Variants in ZNF717 observed in about 807,000 individuals in gnomAD.
ZNF717 encodes the protein krueppel-like factor X17.
In ZNF717, 9 loss-of-function variants were observed where a neutral mutation model predicts 13.8. The ratio of observed to expected loss-of-function variants is 0.65; its 90% CI spans 0.39 to 1.14. ZNF717 has a LOEUF of 1.14. Ranked by LOEUF, ZNF717 falls within the 50% of genes most tolerant of loss-of-function variation. ZNF717 has a pLI of 0.01. For synonymous variants in ZNF717, 327 were observed against 364.1 expected, an observed-to-expected ratio of 0.90 and a Z score of 1.16; for missense variants, 1,040 against 1,080.7, an observed-to-expected ratio of 0.96 and a Z score of 0.53.
intron 4 of ZNF717, among the ~76,000 whole-genome samples, chr3:75,721,278 G>GTTTA (rs1176089150): frequency 1.3e-5 from 2 of 150,328 alleles, no homozygotes; most frequent in African/African-American, 2.4e-5. Flanking sequence ...TGATGTTTTT[G>GTTTA]TTTATTTATT....
intron 2 of ZNF717, among the ~76,000 whole-genome samples, chr3:75,763,810 G>A (rs912680099): frequency 9.9e-5 from 15 of 152,274 alleles, no homozygotes; most frequent in African/African-American, 3.4e-4. Context: ...AAACCTTGGA[G>A]TGACCAGAAG....
chr3:75,774,325 C>T (rs1330626329), intron 2 of ZNF717, among the ~76,000 whole-genome samples: 3 of 152,096 alleles, frequency 2.0e-5, no homozygotes, highest in African/African-American at 4.8e-5. Flanking sequence ...TTACGGTGAC[C>T]TGGAATTCTA....
At chr3:75,758,924 C>T (rs961271217) in intron 2 of ZNF717, among the ~76,000 whole-genome samples, 1 of 152,148 alleles carries the variant, frequency 6.6e-6, no homozygotes, top group Non-Finnish European at 1.5e-5. Flanking sequence ...TTTGATTGAG[C>T]AGGAGGTTGA....
intron 2 of ZNF717, among the ~76,000 whole-genome samples, chr3:75,752,354 T>C (rs796448176): frequency 6.7e-6 from 1 of 148,902 alleles, no homozygotes; most frequent in Non-Finnish European, 1.5e-5. Flanking sequence ...TGTTGGGGTC[T>C]GAATGTTTGT....
In ZNF717 at chr3:75,778,478, G is replaced by C. The variant is rs1944514498; in HGVS notation, c.57+4828C>G. 2.6e-5 allele frequency among the ~76,000 whole-genome samples: 4 copies of C among 151,740 alleles called. No homozygotes were observed. The South Asian group carries it at 8.3e-4, about 32-fold the overall frequency. On this transcript the variant is annotated intron_variant, in intron 2 of 4. Transcript: ENST00000652011. The stretch of plus-strand genomic sequence containing the variant: ...TGCTAGACCAGAAACCCAAAACAGT[G>C]GGAGTGACATGCTAAAACCGGAACG...
At chr3:75,713,645 T>C (rs1430291154) in intron 5 of ZNF717, among the ~76,000 whole-genome samples, 1 of 152,092 alleles carries the variant, frequency 6.6e-6, no homozygotes, top group East Asian at 1.9e-4. Context: ...AAAGTTAACA[T>C]AGAAAACAAA....
At chr3:75,723,248 CTTTTTTT>C (rs112455865) in intron 4 of ZNF717, among the ~76,000 whole-genome samples, 14 of 88,648 alleles carry the variant, frequency 1.6e-4, no homozygotes, top group Non-Finnish European at 2.5e-4. Flanking sequence ...GACAATCTCA[CTTTTTTT>C]TTTTTTTTTT....
At chr3:75,760,057 C>T (rs1942848871) in intron 2 of ZNF717, among the ~76,000 whole-genome samples, 2 of 152,172 alleles carry the variant, frequency 1.3e-5, no homozygotes, top group South Asian at 4.1e-4. Context: ...GAGACGGAGT[C>T]TCACTCTGTC....
intron 2 of ZNF717, among the ~76,000 whole-genome samples, chr3:75,765,019 A>ATG (rs1943343841): frequency 3.0e-5 from 1 of 32,918 alleles, no homozygotes; most frequent in Non-Finnish European, 7.7e-5. Context: ...ATATATATAT[A>ATG]TATATATATA....
chr3:75,715,692 T>G (rs1321977721), intron 5 of ZNF717, among the ~76,000 whole-genome samples: 5 of 152,190 alleles, frequency 3.3e-5, no homozygotes, highest in Non-Finnish European at 7.3e-5. Flanking sequence ...GCCATTAATT[T>G]GAAAACTCTT....
intron 2 of ZNF717, among the ~76,000 whole-genome samples, chr3:75,761,650 GAAT>G (rs950526336): frequency 6.6e-6 from 1 of 152,238 alleles, no homozygotes; most frequent in Non-Finnish European, 1.5e-5. Context: ...AATACTGGTA[GAAT>G]AATGAAATTC....
At chr3:75,696,951 A>G (rs375199446) in intron 6 of ZNF717, among the ~76,000 whole-genome samples, 6 of 148,822 alleles carry the variant, frequency 4.0e-5, no homozygotes, top group South Asian at 4.4e-4. Flanking sequence ...TTTCAATTAT[A>G]CTAAAAAAAT....
chr3:75,695,624 T>C (rs1937594719), intron 6 of ZNF717, among the ~76,000 whole-genome samples: 4 of 152,296 alleles, frequency 2.6e-5, no homozygotes, highest in African/African-American at 9.6e-5. Context: ...ATATTGAGCA[T>C]TTTCTCTGAC....
intron 4 of ZNF717, among the ~76,000 whole-genome samples, chr3:75,718,275 A>C (rs1442769430): frequency 1.3e-5 from 2 of 152,122 alleles, no homozygotes; most frequent in Non-Finnish European, 2.9e-5. Context: ...AACCTTAGGT[A>C]AGAGGGTGCA....
At chr3:75,722,439 T>C (rs1559573438) in intron 4 of ZNF717, among the ~76,000 whole-genome samples, 1 of 152,200 alleles carries the variant, frequency 6.6e-6, no homozygotes, top group African/African-American at 2.4e-5. Context: ...TTCAATCTGT[T>C]GCAATATGTT....
intron 2 of ZNF717, among the ~76,000 whole-genome samples, chr3:75,776,190 T>G (rs962854182): frequency 6.6e-6 from 1 of 152,282 alleles, no homozygotes; most frequent in African/African-American, 2.4e-5. Context: ...CTTCTGTTAT[T>G]AAAAGTTTTG....
At chr3:75,781,141 A>C (rs1179736653) in intron 2 of ZNF717, among the ~76,000 whole-genome samples, 1 of 152,276 alleles carries the variant, frequency 6.6e-6, no homozygotes, top group Non-Finnish European at 1.5e-5. Flanking sequence ...TTGTGGATGA[A>C]CTGCAACCTA....
intron 2 of ZNF717, among the ~76,000 whole-genome samples, chr3:75,751,085 A>G (rs1256156338): frequency 6.6e-6 from 1 of 151,866 alleles, no homozygotes; most frequent in Non-Finnish European, 1.5e-5. Context: ...TGTTCCTCAC[A>G]TAGGATTCCA....
chr3:75,703,891 G>A (rs1937745976), intron 6 of ZNF717, among the ~76,000 whole-genome samples: 1 of 152,310 alleles, frequency 6.6e-6, no homozygotes, highest in East Asian at 1.9e-4. Context: ...TAATACTCAT[G>A]GTCTGAAAAT....
Sources: gnomAD v4.1 joint callset for allele counts (sites outside exome capture counted in the v4.1 genomes callset) on GRCh38, gnomAD v4.1.1 for gene constraint, MANE v1.5 for transcripts, NCBI Gene and HGNC (gene_info 2026-07-23, HGNC 2026-07-21) for gene names.